RIMOC1: variants seen among roughly 807,000 people sequenced by gnomAD.
The protein encoded by RIMOC1 is RAB7A-interacting MON1-CCZ1 complex subunit 1.
At chr5:41,917,396 G>C in the RIMOC1 span, 2 of 1,452,372 alleles carry the variant, frequency 1.4e-6, no homozygotes, top group African/African-American at 2.9e-5. Flanking sequence ...CTGAATATGA[G>C]AACATTACAC....
the RIMOC1 span, chr5:41,911,946 T>C: frequency 1.5e-6 from 1 of 679,310 alleles, no homozygotes; most frequent in Non-Finnish European, 2.6e-6. Flanking sequence ...ATAGAATAGC[T>C]GTAAGCTATG....
the RIMOC1 span, among the ~76,000 whole-genome samples, chr5:41,915,268 G>A: frequency 1.3e-5 from 2 of 152,126 alleles, no homozygotes; most frequent in African/African-American, 4.8e-5. Context: ...ATAAAAAACT[G>A]TCCAACTTTT....
chr5:41,911,238 G>C, the RIMOC1 span: 406 of 1,529,890 alleles, frequency 2.7e-4, no homozygotes, highest in Middle Eastern at 4.8e-4. Context: ...TCAAAAAGCT[G>C]TCTTTGTTGT....
the RIMOC1 span, chr5:41,917,388 G>A: frequency 2.1e-6 from 3 of 1,460,198 alleles, no homozygotes; most frequent in Non-Finnish European, 2.7e-6. Flanking sequence ...TGTTGATACT[G>A]AATATGAGAA....
the RIMOC1 span, among the ~76,000 whole-genome samples, chr5:41,909,334 G>A: frequency 3.9e-5 from 6 of 152,050 alleles, no homozygotes; most frequent in African/African-American, 1.4e-4. Flanking sequence ...CTGTATTTGG[G>A]AACACAAATC....
At chr5:41,910,989 T>A in the RIMOC1 span, 1 of 1,570,138 alleles carries the variant, frequency 6.4e-7, no homozygotes, top group Non-Finnish European at 8.6e-7. Context: ...AAATTTAACT[T>A]CAACTTTTAT....
At chr5:41,910,669 A>T in the RIMOC1 span, among the ~76,000 whole-genome samples, 4 of 151,960 alleles carry the variant, frequency 2.6e-5, no homozygotes, top group African/African-American at 9.7e-5. Flanking sequence ...TTTGGGTGTA[A>T]ATTTTCATTA....
the RIMOC1 span, among the ~76,000 whole-genome samples, chr5:41,913,977 A>G: frequency 2.0e-5 from 3 of 152,186 alleles, no homozygotes; most frequent in Admixed American, 6.5e-5. Context: ...AAAAATTTCT[A>G]TTTATACACA....
At chr5:41,907,292 T>C in the RIMOC1 span, among the ~76,000 whole-genome samples, 1 of 152,200 alleles carries the variant, frequency 6.6e-6, no homozygotes, top group Admixed American at 6.5e-5. Context: ...AGGAATTTGA[T>C]TTGGTCAATC....
chr5:41,916,102 T>C, the RIMOC1 span, among the ~76,000 whole-genome samples: 3 of 152,208 alleles, frequency 2.0e-5, no homozygotes, highest in Admixed American at 1.3e-4. Context: ...CAGAAGCACA[T>C]TAGAATCCAT....
At chr5:41,906,079 G>A in the RIMOC1 span, among the ~76,000 whole-genome samples, 26 of 152,294 alleles carry the variant, frequency 1.7e-4, no homozygotes, top group South Asian at 5.4e-3. Context: ...TTAATGTAAT[G>A]AGTATATATT....
the RIMOC1 span, chr5:41,917,567 C>T: frequency 1.8e-6 from 2 of 1,090,232 alleles, no homozygotes; most frequent in South Asian, 4.4e-5. Context: ...GAGTAGTAAC[C>T]CAATTTAGCT....
chr5:41,914,442 G>C, the RIMOC1 span, among the ~76,000 whole-genome samples: 1 of 149,462 alleles, frequency 6.7e-6, no homozygotes, highest in East Asian at 2.0e-4. Context: ...GGGGGATAGA[G>C]CCAGACTCTG....
the RIMOC1 span, among the ~76,000 whole-genome samples, chr5:41,906,065 T>C: frequency 6.6e-6 from 1 of 152,242 alleles, no homozygotes; most frequent in African/African-American, 2.4e-5. Flanking sequence ...TCAAACTTTG[T>C]TCTTTAATGT....
chr5:41,912,109 A>C, the RIMOC1 span: 10 of 1,612,080 alleles, frequency 6.2e-6, no homozygotes, highest in Non-Finnish European at 8.5e-6. Context: ...CAGATGCTAA[A>C]TTATCGATGT....
At chr5:41,909,738 T>C in the RIMOC1 span, 2 of 1,522,456 alleles carry the variant, frequency 1.3e-6, no homozygotes, top group Non-Finnish European at 1.8e-6. Context: ...CTTTTTTTTT[T>C]TTTTTAGGCT....
chr5:41,904,721 G>C, the RIMOC1 span, among the ~76,000 whole-genome samples: 1 of 152,156 alleles, frequency 6.6e-6, no homozygotes. Flanking sequence ...ATCCGTGCTG[G>C]TGTAAACTGT....
At chr5:41,916,582 G>A in the RIMOC1 span, 3 of 523,022 alleles carry the variant, frequency 5.7e-6, no homozygotes, top group Non-Finnish European at 7.4e-6. Context: ...TTAGCTATAT[G>A]AATTATCCTA....
the RIMOC1 span, chr5:41,917,883 C>A: frequency 2.5e-6 from 2 of 799,786 alleles, no homozygotes; most frequent in African/African-American, 1.9e-5. Flanking sequence ...AAAATTTCTA[C>A]TTCCCTTAGG....
Sources: gnomAD v4.1 joint callset for allele counts (sites outside exome capture counted in the v4.1 genomes callset) on GRCh38, gnomAD v4.1.1 for gene constraint, MANE v1.5 for transcripts, NCBI Gene and HGNC (gene_info 2026-07-23, HGNC 2026-07-21) for gene names.